QTMAN: variants seen among roughly 807,000 people sequenced by gnomAD.
The protein encoded by QTMAN is tRNA-queuosine alpha-mannosyltransferase.
the QTMAN span, among the ~76,000 whole-genome samples, chr2:144,180,818 G>C: frequency 6.6e-6 from 1 of 152,088 alleles, no homozygotes; most frequent in Admixed American, 6.6e-5. Flanking sequence ...ATCAGTGATA[G>C]CAAATGTATG....
the QTMAN span, among the ~76,000 whole-genome samples, chr2:144,320,027 G>A: frequency 6.6e-6 from 1 of 152,208 alleles, no homozygotes; most frequent in African/African-American, 2.4e-5. Context: ...ACCTGTTCTT[G>A]TATATCTATG....
chr2:144,104,283 C>T, the QTMAN span, among the ~76,000 whole-genome samples: 1 of 152,066 alleles, frequency 6.6e-6, no homozygotes, highest in African/African-American at 2.4e-5. Context: ...TGCAGCCCAC[C>T]AAGCATGAGC....
the QTMAN span, among the ~76,000 whole-genome samples, chr2:144,022,564 T>C: frequency 2.8e-5 from 4 of 141,404 alleles, no homozygotes; most frequent in African/African-American, 8.0e-5. Context: ...CTCTCTCTTT[T>C]TTTTTTTTTT....
chr2:144,035,781 T>C, the QTMAN span, among the ~76,000 whole-genome samples: 3 of 152,202 alleles, frequency 2.0e-5, no homozygotes, highest in Admixed American at 2.0e-4. Flanking sequence ...GTTAGAAATA[T>C]ACCTCAAAAA....
At chr2:143,993,302 G>A in the QTMAN span, among the ~76,000 whole-genome samples, 1 of 151,786 alleles carries the variant, frequency 6.6e-6, no homozygotes, top group East Asian at 1.9e-4. Context: ...TAACTTCATA[G>A]TGATTGCACA....
the QTMAN span, among the ~76,000 whole-genome samples, chr2:144,133,130 TATATATATATATATATATATA>T: frequency 0.056 from 2,649 of 47,032 alleles, 154 homozygotes; most frequent in East Asian, 0.22. Flanking sequence ...TATATATATA[TATATATATATATATATATATA>T]ATATAATATA....
chr2:144,324,804 A>G, the QTMAN span, among the ~76,000 whole-genome samples: 1 of 152,018 alleles, frequency 6.6e-6, no homozygotes, highest in Non-Finnish European at 1.5e-5. Flanking sequence ...AAATTCACTT[A>G]TAAGGTGTCA....
At chr2:144,244,156 G>T in the QTMAN span, among the ~76,000 whole-genome samples, 2 of 152,136 alleles carry the variant, frequency 1.3e-5, no homozygotes, top group Non-Finnish European at 2.9e-5. Context: ...TGGGCTCAGG[G>T]TTCCCATCAA....
chr2:144,283,681 T>G, the QTMAN span, among the ~76,000 whole-genome samples: 3 of 152,100 alleles, frequency 2.0e-5, no homozygotes, highest in African/African-American at 7.2e-5. Context: ...AACCAAAATA[T>G]AGTTACTTGA....
chr2:144,298,494 A>G, the QTMAN span, among the ~76,000 whole-genome samples: 15 of 152,334 alleles, frequency 9.8e-5, no homozygotes, highest in Admixed American at 3.3e-4. Context: ...CAACATTCCA[A>G]TAGGCTTGAA....
chr2:144,016,181 G>A, the QTMAN span, among the ~76,000 whole-genome samples: 13 of 152,152 alleles, frequency 8.5e-5, no homozygotes, highest in East Asian at 3.9e-4. Context: ...CTTTCAGTAC[G>A]TATAGTGACA....
chr2:144,172,885 C>A, the QTMAN span, among the ~76,000 whole-genome samples: 1 of 151,902 alleles, frequency 6.6e-6, no homozygotes, highest in Non-Finnish European at 1.5e-5. Flanking sequence ...AGTGGCGTTG[C>A]GGGGTGGGGG....
chr2:144,115,489 A>G, the QTMAN span, among the ~76,000 whole-genome samples: 1 of 152,188 alleles, frequency 6.6e-6, no homozygotes, highest in Non-Finnish European at 1.5e-5. Context: ...TTTCACACTT[A>G]CTACTAAATG....
At chr2:144,102,921 G>A in the QTMAN span, among the ~76,000 whole-genome samples, 3 of 152,130 alleles carry the variant, frequency 2.0e-5, no homozygotes, top group East Asian at 5.8e-4. Context: ...AAACCATGAG[G>A]GGAGTGCAGC....
At chr2:144,179,913 G>A in the QTMAN span, among the ~76,000 whole-genome samples, 1 of 152,154 alleles carries the variant, frequency 6.6e-6, no homozygotes, top group Non-Finnish European at 1.5e-5. Context: ...TTTAAAGCAA[G>A]AAGAATAATG....
the QTMAN span, among the ~76,000 whole-genome samples, chr2:144,318,314 G>T: frequency 2.0e-5 from 3 of 151,730 alleles, no homozygotes; most frequent in African/African-American, 7.3e-5. Context: ...TCCAAATTCA[G>T]TTCTCAAGGT....
At chr2:144,035,106 T>C in the QTMAN span, among the ~76,000 whole-genome samples, 8 of 152,328 alleles carry the variant, frequency 5.3e-5, no homozygotes, top group African/African-American at 1.2e-4. Context: ...AAATCTGTCA[T>C]GGCCTGGTGC....
chr2:143,968,937 C>G, the QTMAN span, among the ~76,000 whole-genome samples: 4 of 152,286 alleles, frequency 2.6e-5, no homozygotes, highest in Admixed American at 1.3e-4. Context: ...TCCTAAAATA[C>G]AGGTTTCATC....
At chr2:144,074,129 T>C in the QTMAN span, among the ~76,000 whole-genome samples, 2 of 152,210 alleles carry the variant, frequency 1.3e-5, no homozygotes, top group Admixed American at 6.5e-5. Context: ...AAAGGGGATA[T>C]GAATCTCTTA....
Sources: gnomAD v4.1 joint callset for allele counts (sites outside exome capture counted in the v4.1 genomes callset) on GRCh38, gnomAD v4.1.1 for gene constraint, MANE v1.5 for transcripts, NCBI Gene and HGNC (gene_info 2026-07-23, HGNC 2026-07-21) for gene names.